The following ELAC2 variants were observed in gnomAD, a reference collection of about 807,000 sequenced individuals.
The protein encoded by ELAC2 is elaC ribonuclease Z 2, also known as zinc phosphodiesterase ELAC protein 2.
A neutral mutation model predicts 105.2 loss-of-function variants in ELAC2; 92 were observed. That is an observed-to-expected ratio of 0.87 (90% CI 0.74 to 1.04). The LOEUF (loss-of-function observed/expected upper bound fraction) is 1.04, where lower values mean the gene tolerates loss of function less well. ELAC2 is among the 50% of genes least tolerant of loss of function. The probability of loss-of-function intolerance (pLI) is 0.00; values close to 1 mark genes in which losing one functional copy is unlikely to be tolerated. For missense variants in ELAC2, 1,099 were observed against 1,071.7 expected (o/e 1.03, Z -0.36); for synonymous variants, 468 against 409.1 (o/e 1.14, Z -1.74).
intron 4 of ELAC2, among the ~76,000 whole-genome samples, chr17:13,015,442 C>G (rs564116186): frequency 2.0e-5 from 3 of 152,322 alleles, no homozygotes; most frequent in Non-Finnish European, 4.4e-5. Context: ...GCTGCCCTTT[C>G]TTGTGTGCCT....
At chr17:12,995,154 C>A in intron 19 of ELAC2, 92 bp from the exon 20 acceptor site, 2 of 1,277,252 alleles carry the variant, frequency 1.6e-6, no homozygotes, top group South Asian at 2.4e-5. Flanking sequence ...ACCCCAAAAT[C>A]ATTCTTAGGA....
At chr17:13,008,212 C>T (rs935221727) in intron 8 of ELAC2, among the ~76,000 whole-genome samples, 3 of 149,128 alleles carry the variant, frequency 2.0e-5, no homozygotes, top group African/African-American at 7.4e-5. Context: ...AAAAACAAAA[C>T]AAACAAAGAA....
chr17:13,003,551 G>A lies in ELAC2; in HGVS notation c.1007C>T (p.Pro336Leu). 1 of 1,614,208 alleles carries A rather than the reference G, an allele frequency of 6.2e-7. No individual in the cohort carries two copies. Residue 336 changes from proline (P) to leucine (L), a missense_variant, in exon 12 of 24, where the codon CCC becomes CTC. By Grantham distance (98) the Pro-to-Leu change is moderately conservative. Coordinates refer to ENST00000338034, the MANE Select transcript of ELAC2 (RefSeq NM_018127.7). Reference protein sequence around the residue: ...FQRYQGKADAPVALVVHMAPA... With the variant: ...FQRYQGKADALVALVVHMAPA... ...GGCCATGTGAACCACCAAGGCCACG[G>A]GGGCATCTGCCTTTCCTTGGTACCT... is the stretch of plus-strand genomic sequence containing the variant.
At chr17:12,996,882 AAAG>A (rs1337101338) in intron 16 of ELAC2, among the ~76,000 whole-genome samples, 197 bp from the exon 17 acceptor site, 1 of 152,142 alleles carries the variant, frequency 6.6e-6, no homozygotes, top group East Asian at 1.9e-4. Context: ...TCTTTATAGC[AAAG>A]AAGTATCCAT....
In ELAC2 at chr17:13,011,653, A is replaced by G. The variant is rs753014701; in HGVS notation, c.679+10T>C. The G allele has an allele frequency of 6.2e-7, 1 of 1,614,208 alleles. No individual in the cohort carries two copies. Among genetic ancestry groups the G allele is most frequent in the South Asian group, 1.1e-5 (1 of 91,080 alleles). ...GCCTTTCTGCTGCTCTGTTTTGTTT[A>G]TACTATTACCATGTGGAAGGTGTGG... is the stretch of plus-strand genomic sequence containing the variant. On this transcript the variant is annotated intron_variant, in intron 7 of 23. Coordinates refer to ENST00000338034, the MANE Select transcript of ELAC2 (RefSeq NM_018127.7).
At position 12,992,632 on chromosome 17, in the gene ELAC2, C is replaced by G. The variant is rs1363529813; in HGVS notation, c.*186G>C. On this transcript the variant is annotated 3_prime_UTR_variant, in exon 24 of 24. Transcript: ENST00000338034. ...CCCGCGGCTGTGCCAGGCACCAGTC[C>G]TAAGAGGCATCTATAGACTAGTGCT... The G allele has an allele frequency of 1.2e-5, 8 of 665,972 alleles. No homozygotes were observed. Among genetic ancestry groups the G allele is most frequent in the African/African-American group, 1.8e-5 (1 of 55,436 alleles). The allele number at this position is 665,972 out of a possible 1,614,324, so 41.3% of individuals were successfully genotyped here.
intron 8 of ELAC2, among the ~76,000 whole-genome samples, chr17:13,006,820 T>TATA (rs2041135919): frequency 6.6e-6 from 1 of 152,166 alleles, no homozygotes; most frequent in Non-Finnish European, 1.5e-5. Flanking sequence ...GGAGATAAAT[T>TATA]ATAATAAAAA....
At position 12,998,469 on chromosome 17, in the gene ELAC2, G is replaced by C. The variant is rs931963687; in HGVS notation, c.1463C>G (p.Thr488Arg). ...AATCTTCATCGGGATGGCAGACCCT[G>C]TTCCAAGGAAGATGATTTCTGGGTA... ...SQYPEIIFLG[T>R]GSAIPMKIRN... The change falls in exon 16 of 24, where the codon ACA (threonine) becomes AGA (arginine). Residue 488 changes from threonine to arginine, a missense_variant. Thr to Arg is a moderately conservative substitution (Grantham distance 71). Coordinates refer to ENST00000338034, the MANE Select transcript of ELAC2 (RefSeq NM_018127.7). 1.2e-6 allele frequency: 2 copies of C among 1,614,088 alleles called. No individual in the cohort carries two copies. Among genetic ancestry groups the C allele is most frequent in the African/African-American group, 1.3e-5 (1 of 74,946 alleles).
Position 13,000,211 on chromosome 17 carries a change from G to C in ELAC2, c.1368C>G (p.Phe456Leu). ...TCCTGTACTCCTGCACGCTCTGCTG[G>C]AAGTTGGGAAGCTGCAGCGCCTCAA... ...FIVEALQLPN[F>L]QQSVQEYRRS... is the part of the protein sequence containing the mutation. The change falls in exon 15 of 24, where the codon TTC (phenylalanine) becomes TTG (leucine). Residue 456 changes from phenylalanine (F) to leucine (L), a missense_variant. Transcript: ENST00000338034. The C allele has an allele frequency of 6.2e-7, 1 of 1,614,122 alleles. No individual in the cohort carries two copies. The highest frequency in any genetic ancestry group is 1.7e-5 in the Admixed American group (1 of 60,020).
Position 13,005,119 on chromosome 17 carries a change from C to A in ELAC2, c.871-18G>T, listed in dbSNP as rs763312117. The A allele has an allele frequency of 5.1e-6, 8 of 1,575,422 alleles. No individual in the cohort carries two copies. Among genetic ancestry groups the A allele is most frequent in the Non-Finnish European group, 7.0e-6 (8 of 1,144,880 alleles). ...GCCAAAATCTGCAAAACCAAATAAG[C>A]CCGCCCACTGGGGGTCACAGCTCAG... On this transcript the variant is annotated intron_variant, in intron 10 of 23. Transcript: ENST00000338034.
chr17:13,003,699 C>T (rs1247680526), intron 11 of ELAC2, 125 bp from the exon 12 acceptor site: 7 of 814,560 alleles, frequency 8.6e-6, no homozygotes, highest in African/African-American at 3.4e-5. Context: ...ACAGCCTCCA[C>T]GCCCAGGCCA....
intron 4 of ELAC2, 91 bp downstream of exon 4, chr17:13,015,677 G>A (rs1183806624): frequency 8.5e-6 from 9 of 1,063,134 alleles, no homozygotes; most frequent in South Asian, 5.0e-5. Flanking sequence ...TCTCTGGAGG[G>A]CAGAAGACTG....
intron 12 of ELAC2, 94 bp downstream of exon 12, chr17:13,003,385 G>A (rs905146566): frequency 7.8e-6 from 9 of 1,149,130 alleles, no homozygotes; most frequent in Non-Finnish European, 1.2e-5. Flanking sequence ...GTGCAGAAGG[G>A]TAGGTAGCGC....
rs1057521455 is a variant in ELAC2 at position 13,002,498 on chromosome 17, G to C, written c.1161C>G (p.Thr387=). 1.9e-6 allele frequency: 3 copies of C among 1,607,324 alleles called. No individual in the cohort carries two copies. Among genetic ancestry groups the C allele is most frequent in the Non-Finnish European group, 2.6e-6 (3 of 1,176,424 alleles). The part of the protein sequence containing the change: ...VHNLRSHKIQ[T]QLNLIHPDIF... Reference sequence around the variant, plus strand: ...TGTCCGGGTGGATGAGGTTGAGCTGGGTTTGAATCTTGTGGCTGCGAAGGT... The same window carrying C: ...TGTCCGGGTGGATGAGGTTGAGCTGCGTTTGAATCTTGTGGCTGCGAAGGT... Residue 387 remains threonine (T), a synonymous_variant, in exon 13 of 24, where the codon ACC becomes ACG. Transcript: ENST00000338034.
At chr17:13,006,007 C>T in intron 8 of ELAC2, 28 bp from the exon 9 acceptor site, 1 of 1,606,884 alleles carries the variant, frequency 6.2e-7, no homozygotes, top group Non-Finnish European at 8.5e-7. Context: ...TAGATGTGAT[C>T]TTAGGGGCTA....
intron 8 of ELAC2, among the ~76,000 whole-genome samples, chr17:13,008,999 C>T (rs1598252199): frequency 6.6e-6 from 1 of 151,926 alleles, no homozygotes; most frequent in Non-Finnish European, 1.5e-5. Context: ...TTACCTATTC[C>T]GGAAAGCAGG....
At chr17:12,998,787 G>T (rs775462446) in intron 15 of ELAC2, among the ~76,000 whole-genome samples, 1 of 152,148 alleles carries the variant, frequency 6.6e-6, no homozygotes, top group Non-Finnish European at 1.5e-5. Context: ...TCCCAGGAGA[G>T]GGGGGTTGTT....
intron 11 of ELAC2, 109 bp downstream of exon 11, chr17:13,004,880 A>AC (rs2041019406): frequency 1.1e-6 from 1 of 914,070 alleles, no homozygotes; most frequent in South Asian, 1.3e-5. Context: ...TGAACTGTAA[A>AC]CCCAGATAGT....
rs115284637 is a variant in ELAC2, at chr17:12,996,289, T to C, written c.1659+258A>G. 1,809 of 644,002 alleles carry C rather than the reference T, an allele frequency of 2.8e-3. 23 individuals carry two copies. In the African/African-American group the frequency reaches 0.029, roughly 10 times the overall value. 39.9% of individuals were successfully genotyped at this position (644,002 alleles called of 1,614,324 possible). A position where few individuals can be genotyped will look rare whatever the true frequency, so the allele number is the denominator to read the frequency against. On this transcript the variant is annotated intron_variant, in intron 17 of 23. Transcript: ENST00000338034. ...CAAAGCTTCCGCTGAGCAGGCCGTG[T>C]GAGATTCAAGACTCAAGGAAGGCTG... is the stretch of plus-strand genomic sequence containing the variant.
Sources: gnomAD v4.1 joint callset for allele counts (sites outside exome capture counted in the v4.1 genomes callset) on GRCh38, gnomAD v4.1.1 for gene constraint, MANE v1.5 for transcripts, NCBI Gene and HGNC (gene_info 2026-07-23, HGNC 2026-07-21) for gene names.